The following SLC6A20 variants were observed in gnomAD, a reference collection of about 807,000 sequenced individuals.
The protein encoded by SLC6A20 is sodium- and chloride-dependent transporter XTRP3.
SLC6A20 carries 73 observed loss-of-function variants against 64.3 expected under a neutral mutation model. That is an observed-to-expected ratio of 1.14 (90% CI 0.94 to 1.38). The LOEUF (loss-of-function observed/expected upper bound fraction) is 1.38. SLC6A20 is among the 40% of genes most tolerant of loss of function. The pLI is 0.00. For missense variants in SLC6A20, 725 were observed against 772.8 expected (o/e 0.94, Z 0.73); for synonymous variants, 347 against 329.6 (o/e 1.05, Z -0.57).
rs1699754949 is a variant in SLC6A20 at position 45,765,234 on chromosome 3, A to G, written c.1303+303T>C. Among the ~76,000 whole-genome samples, 1 of 152,182 alleles carries G rather than the reference A, an allele frequency of 6.6e-6. No individual in the cohort carries two copies. The highest frequency in any genetic ancestry group is 1.5e-5 in the Non-Finnish European group (1 of 68,040). ...TCTGAAATATATATAATATACTTCA[A>G]TGAAAATGAACAGAAACAAAATCGA... On this transcript the variant is annotated intron_variant, in intron 8 of 10. Transcript: ENST00000358525. This position sits in a 1 kb window ranked among gnomAD's most constrained non-coding sequence, Gnocchi z 4.2.
chr3:45,770,386 A>G lies in SLC6A20; in HGVS notation c.936-15T>C. On this transcript the variant is annotated splice_polypyrimidine_tract_variant and intron_variant, in intron 6 of 10. Transcript: ENST00000358525. Reference sequence around the variant, plus strand: ...GCAGACTCACCCTGCAGAGCAGACCATCGGATCGACCTTCACTGATCAGAA... The same window carrying G: ...GCAGACTCACCCTGCAGAGCAGACCGTCGGATCGACCTTCACTGATCAGAA... The G allele has an allele frequency of 1.9e-6, 3 of 1,613,142 alleles. No homozygotes were observed. The highest frequency in any genetic ancestry group is 2.5e-6 in the Non-Finnish European group (3 of 1,179,888).
At chr3:45,763,200 G>A in intron 8 of SLC6A20, 128 bp from the exon 9 acceptor site, 4 of 1,367,010 alleles carry the variant, frequency 2.9e-6, no homozygotes, top group Non-Finnish European at 1.0e-6. Flanking sequence ...CACATGGGTT[G>A]AAAGAGCTGT....
In SLC6A20 at chr3:45,782,137, G is replaced by A. The variant is rs141312000; in HGVS notation, c.208C>T (p.Arg70Trp). ...YLELAVGQRM[R>W]QGSIGAWRTI... The stretch of plus-strand genomic sequence containing the variant: ...CTCCAGGCGCCGATGCTGCCCTGCC[G>A]CATGCGCTGCCCCACAGCCAGTTCC... Residue 70 changes from arginine (R) to tryptophan (W), a missense_variant, in exon 2 of 11, where the codon CGG becomes TGG. Transcript: ENST00000358525. The A allele has an allele frequency of 1.3e-5, 21 of 1,613,382 alleles. No homozygotes were observed. The highest frequency in any genetic ancestry group is 5.3e-5 in the African/African-American group (4 of 74,842).
chr3:45,784,962 C>T (rs1700148213), intron 1 of SLC6A20, among the ~76,000 whole-genome samples: 1 of 152,180 alleles, frequency 6.6e-6, no homozygotes, highest in African/African-American at 2.4e-5. Flanking sequence ...AAAAACACTC[C>T]TGGGATAATG....
In SLC6A20 at chr3:45,782,112, C is replaced by G; in HGVS notation, c.233G>C (p.Arg78Thr). The change falls in exon 2 of 11, where the codon AGG becomes ACG. Residue 78 changes from arginine (R) to threonine (T), a missense_variant. By Grantham distance (71) the Arg-to-Thr change is moderately conservative. Coordinates refer to ENST00000358525, the MANE Select transcript of SLC6A20 (RefSeq NM_020208.4). ...ACCACTGAGGTACGGGCTGATGGTC[C>G]TCCAGGCGCCGATGCTGCCCTGCCG... The part of the protein sequence containing the change: ...RMRQGSIGAW[R>T]TISPYLSGVG... The G allele has an allele frequency of 6.2e-7, 1 of 1,612,956 alleles. No homozygotes were observed. Among genetic ancestry groups the G allele is most frequent in the Non-Finnish European group, 8.5e-7 (1 of 1,179,554 alleles).
chr3:45,785,985 A>G (rs1700164011), intron 1 of SLC6A20, among the ~76,000 whole-genome samples: 1 of 152,226 alleles, frequency 6.6e-6, no homozygotes, highest in South Asian at 2.1e-4. Flanking sequence ...GAGGGAGACC[A>G]GCCAGCTCAG....
In SLC6A20 at chr3:45,770,236, GT is replaced by G. The variant is rs771606041; in HGVS notation, c.1070del (p.Asn357ThrfsTer8). 4 of 1,614,094 alleles carry G rather than the reference GT, an allele frequency of 2.5e-6. No individual in the cohort carries two copies. Among genetic ancestry groups the G allele is most frequent in the South Asian group, 1.1e-5 (1 of 91,090 alleles). On this transcript the variant is annotated frameshift_variant, in exon 7 of 11. Transcript: ENST00000358525. LOFTEE classifies it high-confidence loss of function. ...KYSEMFPQIK[N>X]CSLESELDTA... is the part of the protein sequence containing the mutation. ...TGTCTAGCTCCGATTCCAAGCTGCA[GT>G]TTTTGATTTGCGGGAACATCTCGCT... is the stretch of plus-strand genomic sequence containing the variant.
chr3:45,776,169 G>A (rs1025551889), intron 3 of SLC6A20, among the ~76,000 whole-genome samples, 181 bp from the exon 4 acceptor site: 6 of 152,132 alleles, frequency 3.9e-5, no homozygotes, highest in African/African-American at 7.2e-5. Context: ...CAGGGGGCAC[G>A]GGTGAGGCAG....
Position 45,757,333 on chromosome 3 carries a change from G to T in SLC6A20, c.*1645C>A, listed in dbSNP as rs555875763. The T allele has an allele frequency of 6.6e-6, 1 of 152,044 alleles. No individual in the cohort carries two copies. The highest frequency in any genetic ancestry group is 1.5e-5 in the Non-Finnish European group (1 of 68,076). The allele number at this position is 152,044 out of a possible 1,614,324, so 9.4% of individuals were successfully genotyped here. A position where few individuals can be genotyped will look rare whatever the true frequency, so the allele number is the denominator to read the frequency against. ...AGGTGTCGGGCTGGGGGACAGTCAG[G>T]TCTTTCCCTTCCCATGAGGCCATAT... is the stretch of plus-strand genomic sequence containing the variant. On this transcript the variant is annotated 3_prime_UTR_variant, in exon 11 of 11. Transcript: ENST00000358525.
At chr3:45,762,641 G>GT (rs1699703568) in intron 9 of SLC6A20, among the ~76,000 whole-genome samples, 1 of 152,260 alleles carries the variant, frequency 6.6e-6, no homozygotes, top group South Asian at 2.1e-4. Flanking sequence ...CCAGTAAGCT[G>GT]TGGGGGTCCA....
intron 7 of SLC6A20, among the ~76,000 whole-genome samples, chr3:45,768,303 T>TTTCG (rs1227375602): frequency 1.3e-5 from 2 of 148,762 alleles, no homozygotes; most frequent in African/African-American, 5.0e-5. Context: ...GGGAATAAAG[T>TTTCG]GGAATGGGGA....
At position 45,774,109 on chromosome 3, in the gene SLC6A20, GC is replaced by G. The variant is rs1699924002; in HGVS notation, c.583-1495del. On this transcript the variant is annotated intron_variant, in intron 4 of 10. Coordinates refer to ENST00000358525, the MANE Select transcript of SLC6A20 (RefSeq NM_020208.4). ...TTCTGACCACTCTGCAGAGATTCTG[GC>G]AGGAAACAAAGTCGATTCCAACAGA... Among the ~76,000 whole-genome samples the G allele has an allele frequency of 4.6e-5, 7 of 152,178 alleles. No homozygotes were observed. In the South Asian group the frequency reaches 1.4e-3, roughly 31 times the overall value.
chr3:45,771,387 G>A lies in SLC6A20; in HGVS notation c.765C>T (p.Gly255=), dbSNP rs557494385. Residue 255 remains glycine (G), a synonymous_variant, in exon 6 of 11, where the codon GGC becomes GGT. Transcript: ENST00000358525. The stretch of plus-strand genomic sequence containing the variant: ...TGGCGAAGGCGATCAGGCTGCCGAA[G>A]CCCAGGCCAAGTGAGAAGAAGATCT... ...ATQIFFSLGL[G]FGSLIAFASY... 1.9e-6 allele frequency: 3 copies of A among 1,614,252 alleles called. No individual in the cohort carries two copies. The highest frequency in any genetic ancestry group is 4.5e-5 in the East Asian group (2 of 44,890).
At position 45,787,887 on chromosome 3, in the gene SLC6A20, G is replaced by C. The variant is rs143721509; in HGVS notation, c.122-5664C>G. ...TACTGTGGTGTATAGCGTAATGCTT[G>C]GGCTTGCTGTCCATGTGTTTTCTCT... On this transcript the variant is annotated intron_variant, in intron 1 of 10. Coordinates refer to ENST00000358525, the MANE Select transcript of SLC6A20 (RefSeq NM_020208.4). Among the ~76,000 whole-genome samples, 40 of 152,268 alleles carry C rather than the reference G, an allele frequency of 2.6e-4. No individual in the cohort carries two copies. In the East Asian group the frequency reaches 7.0e-3, roughly 27 times the overall value.
chr3:45,782,772 C>T (rs999832861), intron 1 of SLC6A20, among the ~76,000 whole-genome samples: 1 of 152,168 alleles, frequency 6.6e-6, no homozygotes, highest in Admixed American at 6.5e-5. Context: ...TTCGTCCATC[C>T]ATCTGTGGAT....
rs767100142 is a variant in SLC6A20 at position 45,780,102 on chromosome 3, T to C, written c.263-2A>G. 4.4e-6 allele frequency: 7 copies of C among 1,586,796 alleles called. No homozygotes were observed. Among genetic ancestry groups the C allele is most frequent in the Non-Finnish European group, 2.6e-6 (3 of 1,166,114 alleles). On this transcript the variant is annotated splice_acceptor_variant, in intron 2 of 10. Transcript: ENST00000358525. LOFTEE classifies it high-confidence loss of function. The stretch of plus-strand genomic sequence containing the variant: ...AAGAGACCACCACGCTGGCGACCCC[T>C]GCGAGGAAGCAGAGGGCCGCGCTGA...
chr3:45,779,133 C>T (rs1442107933), intron 3 of SLC6A20, among the ~76,000 whole-genome samples: 2 of 152,218 alleles, frequency 1.3e-5, no homozygotes, highest in East Asian at 3.8e-4. Flanking sequence ...CCCATGAAGG[C>T]CTGGCTCAGG....
chr3:45,758,882 T>G lies in SLC6A20; in HGVS notation c.*96A>C. 1 of 1,451,350 alleles carries G rather than the reference T, an allele frequency of 6.9e-7. No homozygotes were observed. Among genetic ancestry groups the G allele is most frequent in the Non-Finnish European group, 9.1e-7 (1 of 1,100,434 alleles). The allele number at this position is 1,451,350 out of a possible 1,614,324, so 89.9% of individuals were successfully genotyped here. ...TTAGACACTCAGGAAGTTGATGGGC[T>G]GAGCACTCCTGGCTTAAGCATTTGA... On this transcript the variant is annotated 3_prime_UTR_variant, in exon 11 of 11. Transcript: ENST00000358525.
At chr3:45,778,213 G>T (rs916546882) in intron 3 of SLC6A20, among the ~76,000 whole-genome samples, 1 of 152,208 alleles carries the variant, frequency 6.6e-6, no homozygotes, top group Non-Finnish European at 1.5e-5. Context: ...AGACTCCGGG[G>T]CCAGGTCCCT....
Sources: allele counts gnomAD v4.1 joint callset (sites outside exome capture counted in the v4.1 genomes callset), GRCh38; gene constraint gnomAD v4.1.1; non-coding constraint Gnocchi (gnomAD v3.1); transcripts MANE v1.5; gene names NCBI Gene and HGNC (gene_info 2026-07-23, HGNC 2026-07-21).